The following SNX5 variants were observed in gnomAD, a reference collection of about 807,000 sequenced individuals.
SNX5 encodes sorting nexin 5.
Under a neutral mutation model 53.9 loss-of-function variants are expected in SNX5, and 31 were observed. The ratio of observed to expected loss-of-function variants is 0.58; its 90% CI spans 0.43 to 0.78. SNX5 has a LOEUF of 0.78. SNX5 is among the 30% of genes least tolerant of loss of function. SNX5 has a pLI of 0.00. For missense variants in SNX5, 471 were observed against 478.8 expected, an observed-to-expected ratio of 0.98 and a Z score of 0.15; for synonymous variants, 168 against 171.1, an observed-to-expected ratio of 0.98 and a Z score of 0.14.
Position 17,954,125 on chromosome 20 carries a change from A to AGAG in SNX5, c.268-11_268-9dup, listed in dbSNP as rs754786858. 2 of 1,613,212 alleles carry AGAG rather than the reference A, an allele frequency of 1.2e-6. No individual in the cohort carries two copies. Among genetic ancestry groups the AGAG allele is most frequent in the African/African-American group, 2.7e-5 (2 of 74,860 alleles). ...CGTAGGAGCAGGTGGAATCTGCAGC[A>AGAG]GAGGCAGGAACTCATGAGCCTCTTG... On this transcript the variant is annotated splice_polypyrimidine_tract_variant and intron_variant, in intron 3 of 12. Transcript: ENST00000377759.
Position 17,947,552 on chromosome 20 carries a change from A to C in SNX5, c.1012T>G (p.Leu338Val). ...KARLKSKDVKLAEAHQQECCQ... is the reference protein window; with the variant it reads ...KARLKSKDVKVAEAHQQECCQ... ...CACTCCTGCTGGTGTGCCTCAGCCA[A>C]CTTGACGTCTTTGCTCTTTAACCGG... Residue 338 changes from leucine to valine, a missense_variant, in exon 11 of 13, where the codon TTG becomes GTG. Transcript: ENST00000377759. The C allele has an allele frequency of 1.2e-6, 2 of 1,613,986 alleles. No individual in the cohort carries two copies. Among genetic ancestry groups the C allele is most frequent in the East Asian group, 4.5e-5 (2 of 44,884 alleles).
intron 6 of SNX5, among the ~76,000 whole-genome samples, chr20:17,950,621 A>C (rs543144207): frequency 1.6e-4 from 24 of 152,344 alleles, no homozygotes; most frequent in South Asian, 4.1e-4. Flanking sequence ...ATCACTTAAC[A>C]ACCACCAGTA....
rs73901137 is a variant in SNX5, at chr20:17,968,782, C to A, written c.-357G>T. On this transcript the variant is annotated 5_prime_UTR_variant, in exon 1 of 13. Coordinates refer to ENST00000377759, the MANE Select transcript of SNX5 (RefSeq NM_014426.4). Reference sequence around the variant, plus strand: ...CAACGGACACTCTCCCAGCAAGACGCGTCTAGAGAAAGACCGCGTTTCGGT... The same window carrying A: ...CAACGGACACTCTCCCAGCAAGACGAGTCTAGAGAAAGACCGCGTTTCGGT... 0.017 allele frequency: 5,209 copies of A among 304,742 alleles called. 266 individuals are homozygous for A. The highest frequency in any genetic ancestry group is 0.11 in the African/African-American group (4,843 of 45,334). 18.9% of individuals were successfully genotyped at this position (304,742 alleles called of 1,614,324 possible).
chr20:17,959,646 A>C (rs937537034), intron 1 of SNX5, among the ~76,000 whole-genome samples: 2 of 152,242 alleles, frequency 1.3e-5, no homozygotes, highest in Non-Finnish European at 2.9e-5. Flanking sequence ...GGCCATCATT[A>C]ACTCAATGTC....
intron 8 of SNX5, among the ~76,000 whole-genome samples, chr20:17,949,550 C>A (rs953878267): frequency 6.6e-6 from 1 of 152,074 alleles, no homozygotes; most frequent in Non-Finnish European, 1.5e-5. Flanking sequence ...ACCAGAAATG[C>A]CCAGGATGGA....
chr20:17,948,845 T>C (rs374510932), intron 10 of SNX5, 45 bp downstream of exon 10: 185 of 1,489,874 alleles, frequency 1.2e-4, no homozygotes, highest in Non-Finnish European at 1.5e-4. Flanking sequence ...TAAACAGACT[T>C]CTGGTCCTGC....
intron 11 of SNX5, chr20:17,944,837 A>T (rs2039466222): frequency 6.6e-6 from 1 of 152,178 alleles, no homozygotes. Flanking sequence ...GAGCCACTGC[A>T]CCCAGCCCTT....
At chr20:17,956,297 G>A (rs542228250) in intron 2 of SNX5, among the ~76,000 whole-genome samples, 81 of 152,214 alleles carry the variant, frequency 5.3e-4, no homozygotes, top group Non-Finnish European at 8.8e-4. Flanking sequence ...CACTACCTCC[G>A]GAATAACTGA....
Position 17,941,609 on chromosome 20 carries a change from C to T in SNX5, c.*748G>A, listed in dbSNP as rs558940088. The T allele has an allele frequency of 1.7e-4, 26 of 152,210 alleles. No individual in the cohort carries two copies. Among genetic ancestry groups the T allele is most frequent in the African/African-American group, 5.8e-4 (24 of 41,524 alleles). The allele number at this position is 152,210 out of a possible 1,614,324, so 9.4% of individuals were successfully genotyped here. The stretch of plus-strand genomic sequence containing the variant: ...GAAAACAGGCCGTACATTAGTAGCA[C>T]GATTATTTTATTATATGCTTTATAA... On this transcript the variant is annotated 3_prime_UTR_variant, in exon 13 of 13. Transcript: ENST00000377759.
At chr20:17,947,342 G>C in intron 11 of SNX5, 144 bp downstream of exon 11, 1 of 785,314 alleles carries the variant, frequency 1.3e-6, no homozygotes, top group African/African-American at 1.7e-5. Context: ...GGATGACTGT[G>C]CATGTGCAAG....
intron 8 of SNX5, among the ~76,000 whole-genome samples, chr20:17,949,478 C>T (rs925573182): frequency 2.6e-5 from 4 of 152,160 alleles, no homozygotes; most frequent in Non-Finnish European, 5.9e-5. Context: ...CTTTCAATTT[C>T]GAGTCAGAAG....
chr20:17,967,949 C>A, intron 1 of SNX5: 1 of 397,288 alleles, frequency 2.5e-6, no homozygotes, highest in African/African-American at 2.1e-5. Flanking sequence ...CCAAAAAAGT[C>A]TTCTCAGTAA....
At position 17,946,943 on chromosome 20, in the gene SNX5, C is replaced by T. The variant is rs2039495090; in HGVS notation, c.1078+543G>A. On this transcript the variant is annotated intron_variant, in intron 11 of 12. Transcript: ENST00000377759. ...ATATTACTTCTATTCTGCCAGGAGC[C>T]CATAACCAGATCTAAACATGAGGAA... 2.6e-5 allele frequency among the ~76,000 whole-genome samples: 4 copies of T among 152,066 alleles called. 1 individual carries two copies. The highest frequency in any genetic ancestry group is 2.6e-4 in the Admixed American group (4 of 15,274).
chr20:17,948,254 G>A (rs1568588906), intron 10 of SNX5, among the ~76,000 whole-genome samples: 2 of 152,318 alleles, frequency 1.3e-5, no homozygotes, highest in East Asian at 3.9e-4. Context: ...AATCGTAAGT[G>A]AGCTCTTAAT....
At position 17,968,458 on chromosome 20, in the gene SNX5, C is replaced by G. The variant is rs1332296330; in HGVS notation, c.-33G>C. On this transcript the variant is annotated 5_prime_UTR_variant, in exon 1 of 13. Transcript: ENST00000377759. The stretch of plus-strand genomic sequence containing the variant: ...CGGGACTCGAGCAGGGGCCGCCTGG[C>G]TGTGCGAGGAAAGAAGAAGCTGGGC... The G allele has an allele frequency of 2.5e-5, 32 of 1,286,920 alleles. No individual in the cohort carries two copies. The highest frequency in any genetic ancestry group is 3.1e-5 in the Non-Finnish European group (31 of 1,015,010). 79.7% of individuals were successfully genotyped at this position (1,286,920 alleles called of 1,614,324 possible).
chr20:17,947,591 C>T lies in SNX5; in HGVS notation c.973G>A (p.Ala325Thr). Residue 325 changes from alanine to threonine, a missense_variant, in exon 11 of 13, where the codon GCT becomes ACT. Ala to Thr is a moderately conservative substitution (Grantham distance 58). Coordinates refer to ENST00000377759, the MANE Select transcript of SNX5 (RefSeq NM_014426.4). ...ALIDYENSNK[A>T]LDKARLKSKD... is the part of the protein sequence containing the mutation. Reference sequence around the variant, plus strand: ...CTCTTTAACCGGGCCTTATCCAGAGCTTTGTTTGAGTTCTCATAGTCAATG... The same window carrying T: ...CTCTTTAACCGGGCCTTATCCAGAGTTTTGTTTGAGTTCTCATAGTCAATG... The T allele has an allele frequency of 6.2e-7, 1 of 1,614,000 alleles. No individual in the cohort carries two copies. Among genetic ancestry groups the T allele is most frequent in the Non-Finnish European group, 8.5e-7 (1 of 1,179,928 alleles).
At chr20:17,947,431 T>C in intron 11 of SNX5, 55 bp downstream of exon 11, 2 of 1,571,484 alleles carry the variant, frequency 1.3e-6, no homozygotes, top group Middle Eastern at 1.7e-4. Context: ...AGAACTTTTC[T>C]AAGTTTGAAA....
At chr20:17,961,266 C>T (rs1045571002) in intron 1 of SNX5, 1 of 985,322 alleles carries the variant, frequency 1.0e-6, no homozygotes, top group African/African-American at 1.7e-5. Flanking sequence ...ACGACTCTAC[C>T]AGCAAAGCTG....
chr20:17,952,759 T>A (rs2039588700), intron 4 of SNX5, 49 bp from the exon 5 acceptor site: 1 of 1,600,184 alleles, frequency 6.2e-7, no homozygotes. Flanking sequence ...CTCAACTACC[T>A]GACCAATACC....
Sources: gnomAD v4.1 joint callset for allele counts (sites outside exome capture counted in the v4.1 genomes callset) on GRCh38, gnomAD v4.1.1 for gene constraint, MANE v1.5 for transcripts, NCBI Gene and HGNC (gene_info 2026-07-23, HGNC 2026-07-21) for gene names.